RANBP2: variants seen among roughly 807,000 people sequenced by gnomAD.
The protein encoded by RANBP2 is RAN binding protein 2.
Under a neutral mutation model 303.6 loss-of-function variants are expected in RANBP2, and 57 were observed. That is an observed-to-expected ratio of 0.19 (90% CI 0.15 to 0.23). RANBP2 has a LOEUF of 0.23. RANBP2 is among the 10% of genes least tolerant of loss of function. The probability of loss-of-function intolerance (pLI) is 1.00; values close to 1 mark genes in which losing one functional copy is unlikely to be tolerated. For missense variants in RANBP2, 3,138 were observed against 3,780.8 expected (o/e 0.83, Z 4.46); for synonymous variants, 1,167 against 1,301.5 (o/e 0.90, Z 2.23).
the RANBP2 span, among the ~76,000 whole-genome samples, chr2:109,628,001 G>T: frequency 6.6e-6 from 1 of 152,084 alleles, no homozygotes; most frequent in East Asian, 1.9e-4. Context: ...GCTTGAGAGG[G>T]TGCGTATCTG....
intron 17 of RANBP2, among the ~76,000 whole-genome samples, chr2:108,757,148 C>G (rs1676379018): frequency 6.6e-6 from 1 of 152,088 alleles, no homozygotes; most frequent in Non-Finnish European, 1.5e-5. Context: ...AAGTTTGAAA[C>G]TTTTCAAAAT....
chr2:109,567,232 A>G, the RANBP2 span, among the ~76,000 whole-genome samples: 1 of 152,202 alleles, frequency 6.6e-6, no homozygotes, highest in Non-Finnish European at 1.5e-5. Flanking sequence ...AGTAACTCCA[A>G]TGGACATATG....
intron 7 of RANBP2, among the ~76,000 whole-genome samples, chr2:108,745,429 G>A (rs2149190588): frequency 6.8e-6 from 1 of 147,058 alleles, no homozygotes; most frequent in Non-Finnish European, 1.5e-5. Context: ...ATAGCCCAGT[G>A]CATCTTTAGG....
At chr2:109,693,189 A>AT in the RANBP2 span, among the ~76,000 whole-genome samples, 2 of 144,580 alleles carry the variant, frequency 1.4e-5, no homozygotes, top group Non-Finnish European at 3.0e-5. Flanking sequence ...TTATTTTTTT[A>AT]TTTTTTGAGA....
At chr2:109,659,897 C>G in the RANBP2 span, among the ~76,000 whole-genome samples, 1 of 152,170 alleles carries the variant, frequency 6.6e-6, no homozygotes, top group African/African-American at 2.4e-5. Flanking sequence ...ATGGCTCAGT[C>G]TCAGGCACAA....
the RANBP2 span, among the ~76,000 whole-genome samples, chr2:109,418,618 C>A: frequency 6.6e-6 from 1 of 152,180 alleles, no homozygotes; most frequent in East Asian, 1.9e-4. Flanking sequence ...GGTGCCCACT[C>A]TAATCAAGGA....
At chr2:109,041,013 G>A in the RANBP2 span, among the ~76,000 whole-genome samples, 16 of 151,366 alleles carry the variant, frequency 1.1e-4, no homozygotes, top group African/African-American at 2.2e-4. Flanking sequence ...CGGAGATTGC[G>A]CCACTGCACT....
chr2:109,683,415 T>G, the RANBP2 span, among the ~76,000 whole-genome samples: 1 of 152,190 alleles, frequency 6.6e-6, no homozygotes, highest in Non-Finnish European at 1.5e-5. Flanking sequence ...CTTATTAATC[T>G]GCCTTTTTGT....
chr2:109,187,799 C>T, the RANBP2 span, among the ~76,000 whole-genome samples: 2 of 152,184 alleles, frequency 1.3e-5, no homozygotes, highest in African/African-American at 2.4e-5. Flanking sequence ...TTCCGACTTC[C>T]CTCTGACACC....
chr2:109,149,631 T>C, the RANBP2 span, among the ~76,000 whole-genome samples: 1 of 152,212 alleles, frequency 6.6e-6, no homozygotes, highest in East Asian at 1.9e-4. Flanking sequence ...CCTGCACGTG[T>C]CCATTGAGCA....
the RANBP2 span, among the ~76,000 whole-genome samples, chr2:108,887,145 CCA>C: frequency 6.6e-6 from 1 of 152,140 alleles, no homozygotes; most frequent in Non-Finnish European, 1.5e-5. Context: ...GGTGAACTTT[CCA>C]CAGTGTTTAG....
At chr2:109,682,828 G>A in the RANBP2 span, among the ~76,000 whole-genome samples, 1 of 152,080 alleles carries the variant, frequency 6.6e-6, no homozygotes, top group Non-Finnish European at 1.5e-5. Context: ...AAGGAAGACT[G>A]AAGACTGTCA....
At chr2:109,266,183 ATG>A in the RANBP2 span, among the ~76,000 whole-genome samples, 3 of 145,892 alleles carry the variant, frequency 2.1e-5, no homozygotes, top group Non-Finnish European at 3.0e-5. Context: ...TTGTGCGTGC[ATG>A]TGTGTGTTGT....
the RANBP2 span, among the ~76,000 whole-genome samples, chr2:109,736,123 T>A: frequency 2.0e-5 from 3 of 152,200 alleles, no homozygotes; most frequent in Non-Finnish European, 4.4e-5. Flanking sequence ...ACTTCTGCAT[T>A]ATTGTTCGAA....
the RANBP2 span, among the ~76,000 whole-genome samples, chr2:109,571,471 G>A: frequency 1.3e-5 from 2 of 152,110 alleles, no homozygotes; most frequent in Non-Finnish European, 2.9e-5. Flanking sequence ...ACTGGATACT[G>A]TAGACAACCA....
At chr2:109,037,656 T>C in the RANBP2 span, among the ~76,000 whole-genome samples, 1 of 152,200 alleles carries the variant, frequency 6.6e-6, no homozygotes, top group Non-Finnish European at 1.5e-5. Context: ...TTTCTATATA[T>C]TAACAATGAA....
chr2:108,843,884 T>C, the RANBP2 span, among the ~76,000 whole-genome samples: 1 of 114,686 alleles, frequency 8.7e-6, no homozygotes, highest in Non-Finnish European at 1.7e-5. Flanking sequence ...GTGTGTTTCT[T>C]TCTTTTTTTT....
the RANBP2 span, among the ~76,000 whole-genome samples, chr2:109,332,103 G>A: frequency 1.3e-5 from 2 of 152,288 alleles, no homozygotes; most frequent in African/African-American, 4.8e-5. Flanking sequence ...CTTCTGTTTA[G>A]CATAGACATT....
At chr2:109,036,522 G>A in the RANBP2 span, among the ~76,000 whole-genome samples, 2 of 152,134 alleles carry the variant, frequency 1.3e-5, no homozygotes, top group African/African-American at 2.4e-5. Flanking sequence ...ATATATGCAA[G>A]TTTGGTTCAA....
Sources: gnomAD v4.1 joint callset for allele counts (sites outside exome capture counted in the v4.1 genomes callset) on GRCh38, gnomAD v4.1.1 for gene constraint, MANE v1.5 for transcripts, NCBI Gene and HGNC (gene_info 2026-07-23, HGNC 2026-07-21) for gene names.